B4GALNT2: variants seen among roughly 807,000 people sequenced by gnomAD.
B4GALNT2 encodes the protein N-acetylneuraminylgalactosylglucosyl-glucoside beta-1,4-N- acetylgalactosaminyltransferase 2.
B4GALNT2 carries 42 observed loss-of-function variants against 51.1 expected under a neutral mutation model. The ratio of observed to expected loss-of-function variants is 0.82; its 90% CI spans 0.64 to 1.06. The LOEUF (loss-of-function observed/expected upper bound fraction) is 1.06. B4GALNT2 is among the 50% of genes least tolerant of loss of function. The probability of loss-of-function intolerance (pLI) is 0.00; values close to 1 mark genes in which losing one functional copy is unlikely to be tolerated. For missense variants in B4GALNT2, 602 were observed against 633.6 expected (o/e 0.95, Z 0.54); for synonymous variants, 253 against 251.7 (o/e 1.01, Z -0.05).
intron 5 of B4GALNT2, among the ~76,000 whole-genome samples, chr17:49,157,371 AGTGCAGTG>A: frequency 9.2e-6 from 1 of 108,650 alleles, no homozygotes; most frequent in Non-Finnish European, 1.9e-5. Context: ...CCTAGCCTGG[AGTGCAGTG>A]GTGCAATCTC....
intron 3 of B4GALNT2, 74 bp downstream of exon 3, chr17:49,142,246 C>A: frequency 6.4e-7 from 1 of 1,563,914 alleles, no homozygotes; most frequent in South Asian, 1.1e-5. Flanking sequence ...GGTTGTGAAT[C>A]TTAAGAGAAA....
Position 49,166,254 on chromosome 17 carries a change from G to A in B4GALNT2, c.1095G>A (p.Val365=), listed in dbSNP as rs776973128. 5.6e-6 allele frequency: 9 copies of A among 1,609,132 alleles called. No individual in the cohort carries two copies. In the African/African-American group the frequency reaches 1.1e-4, roughly 19 times the overall value. The part of the protein sequence containing the change: ...VDVLEKTELD[V]VGGSVLGNVF... Reference sequence around the variant, plus strand: ...TCCTGGAGAAAACAGAACTGGACGTGGTAAGGGACAGTTGCCAGTTTCACC... The same window carrying A: ...TCCTGGAGAAAACAGAACTGGACGTAGTAAGGGACAGTTGCCAGTTTCACC... The change falls in exon 9 of 11, where the codon GTG becomes GTA. Residue 365 remains valine, a splice_region_variant and synonymous_variant. Coordinates refer to ENST00000393354, the MANE Select transcript of B4GALNT2 (RefSeq NM_001159387.2).
At chr17:49,167,063 A>C (rs2042917403) in intron 9 of B4GALNT2, among the ~76,000 whole-genome samples, 1 of 152,220 alleles carries the variant, frequency 6.6e-6, no homozygotes, top group African/African-American at 2.4e-5. Context: ...GATCACAGTT[A>C]ACTCTACTGC....
In B4GALNT2 at chr17:49,164,162, C is replaced by T. The variant is rs527317913; in HGVS notation, c.841C>T (p.Arg281Trp). 9.3e-6 allele frequency: 15 copies of T among 1,614,038 alleles called. No individual in the cohort carries two copies. The highest frequency in any genetic ancestry group is 3.3e-5 in the South Asian group (3 of 91,084). Residue 281 changes from arginine to tryptophan, a missense_variant, in exon 8 of 11, where the codon CGG becomes TGG. Physicochemically the swap from Arg to Trp is moderately radical, Grantham distance 101. Transcript: ENST00000393354. ...LRPHKLMIMLRSIREYYPDLT... is the reference protein window; with the variant it reads ...LRPHKLMIMLWSIREYYPDLT... Reference sequence around the variant, plus strand: ...CCCCCACAAGCTCATGATCATGCTCCGGAGTATTCGAGAGTATTACCCAGA... The same window carrying T: ...CCCCCACAAGCTCATGATCATGCTCTGGAGTATTCGAGAGTATTACCCAGA...
At chr17:49,134,321 A>G (rs1484064147) in intron 1 of B4GALNT2, among the ~76,000 whole-genome samples, 2 of 152,264 alleles carry the variant, frequency 1.3e-5, no homozygotes, top group Non-Finnish European at 2.9e-5. Flanking sequence ...CAGGATAATT[A>G]GCATATACGT....
At chr17:49,136,339 CAT>C (rs2042589956) in intron 1 of B4GALNT2, among the ~76,000 whole-genome samples, 1 of 151,700 alleles carries the variant, frequency 6.6e-6, no homozygotes, top group African/African-American at 2.4e-5. Flanking sequence ...ACTATAGAAA[CAT>C]GTTCATTTAA....
rs2042953560 is a variant in B4GALNT2 at position 49,170,920 on chromosome 17, A to G, written c.*1192A>G. 1 of 152,918 alleles carries G rather than the reference A, an allele frequency of 6.5e-6. No individual in the cohort carries two copies. Among genetic ancestry groups the G allele is most frequent in the Non-Finnish European group, 1.5e-5 (1 of 68,542 alleles). 9.5% of individuals were successfully genotyped at this position (152,918 alleles called of 1,614,324 possible). The stretch of plus-strand genomic sequence containing the variant: ...TGGGCTCTGGCTAGTTATCTGCAGC[A>G]GGAACATGTCCTTAAAGCACAGATA... On this transcript the variant is annotated 3_prime_UTR_variant, in exon 11 of 11. Transcript: ENST00000393354.
chr17:49,146,169 C>G (rs1009377306), intron 3 of B4GALNT2, among the ~76,000 whole-genome samples: 6 of 152,252 alleles, frequency 3.9e-5, no homozygotes, highest in South Asian at 2.1e-4. Flanking sequence ...CTCAGCCCTG[C>G]AAAGTATTGT....
At position 49,176,824 on chromosome 17, in the gene B4GALNT2, A is replaced by ATT. The variant is rs2042992204; in HGVS notation, c.*7097_*7098insTT. 1 of 152,236 alleles carries ATT rather than the reference A, an allele frequency of 6.6e-6. No homozygotes were observed. Among genetic ancestry groups the ATT allele is most frequent in the Non-Finnish European group, 1.5e-5 (1 of 68,042 alleles). 9.4% of individuals were successfully genotyped at this position (152,236 alleles called of 1,614,324 possible). ...ATATATTAATAAAAATTCCTGAAAA[A>ATT]TGGACTTACAGCAAAATTGATTTTG... On this transcript the variant is annotated 3_prime_UTR_variant, in exon 11 of 11. Coordinates refer to ENST00000393354, the MANE Select transcript of B4GALNT2 (RefSeq NM_001159387.2).
At chr17:49,162,311 A>C (rs1218605002) in intron 7 of B4GALNT2, among the ~76,000 whole-genome samples, 1 of 152,254 alleles carries the variant, frequency 6.6e-6, no homozygotes, top group Non-Finnish European at 1.5e-5. Context: ...TGCACAGTTC[A>C]GAAAAAATTA....
intron 3 of B4GALNT2, among the ~76,000 whole-genome samples, chr17:49,150,310 C>T (rs1323485824): frequency 3.2e-5 from 4 of 125,562 alleles, no homozygotes; most frequent in Admixed American, 7.8e-5. Flanking sequence ...GGGGTCAGCC[C>T]CCCCCGCCTG....
chr17:49,129,742 G>A (rs2042528122), upstream of B4GALNT2, among the ~76,000 whole-genome samples: 1 of 151,946 alleles, frequency 6.6e-6, no homozygotes, highest in Non-Finnish European at 1.5e-5. Context: ...GGGTTGGAAT[G>A]TCTCTGGTCA....
rs570091897 is a variant in B4GALNT2, at chr17:49,167,188, A to G, written c.1095+934A>G. Among the ~76,000 whole-genome samples, 3 of 152,298 alleles carry G rather than the reference A, an allele frequency of 2.0e-5. No homozygotes were observed. The South Asian group carries it at 6.2e-4, about 32-fold the overall frequency. On this transcript the variant is annotated intron_variant, in intron 9 of 10. Coordinates refer to ENST00000393354, the MANE Select transcript of B4GALNT2 (RefSeq NM_001159387.2). ...ATGTTCCAGCTCATGTAACAACCAC[A>G]CTGGCAGCTGAGTTGGCTCCAGGAT...
At chr17:49,155,783 T>C (rs1427172595) in intron 4 of B4GALNT2, among the ~76,000 whole-genome samples, 1 of 151,558 alleles carries the variant, frequency 6.6e-6, no homozygotes, top group African/African-American at 2.4e-5. Flanking sequence ...GAGTGCAGTG[T>C]CGAGATCTCG....
At chr17:49,146,775 A>C (rs940448476) in intron 3 of B4GALNT2, among the ~76,000 whole-genome samples, 20 of 152,224 alleles carry the variant, frequency 1.3e-4, no homozygotes, top group Non-Finnish European at 2.9e-5. Context: ...ACTGTCCTCC[A>C]TCAGACTGGA....
chr17:49,159,255 T>A, intron 6 of B4GALNT2, 38 bp downstream of exon 6: 2 of 1,596,574 alleles, frequency 1.3e-6, no homozygotes, highest in Non-Finnish European at 1.7e-6. Context: ...TGCTTAGGGA[T>A]CCAGAAGATA....
chr17:49,126,953 C>T, the B4GALNT2 span, among the ~76,000 whole-genome samples: 195 of 152,090 alleles, frequency 1.3e-3, no homozygotes, highest in African/African-American at 4.5e-3. Context: ...AACCACCCGC[C>T]TTGGCCTCCC....
At chr17:49,132,621 TGG>T, upstream of B4GALNT2, 1 of 634,142 alleles carries the variant, frequency 1.6e-6, no homozygotes, top group Non-Finnish European at 2.3e-6. Flanking sequence ...AGGGTAGAGA[TGG>T]GGGCGCTGGT....
chr17:49,131,909 G>A (rs1434565015), upstream of B4GALNT2, among the ~76,000 whole-genome samples: 2 of 152,128 alleles, frequency 1.3e-5, no homozygotes, highest in Non-Finnish European at 2.9e-5. Context: ...GAGACAGGAC[G>A]ATTGCTTGAG....
Sources: gnomAD v4.1 joint callset for allele counts (sites outside exome capture counted in the v4.1 genomes callset) on GRCh38, gnomAD v4.1.1 for gene constraint, MANE v1.5 for transcripts, NCBI Gene and HGNC (gene_info 2026-07-23, HGNC 2026-07-21) for gene names.